Variants in CCDC93 observed in about 807,000 individuals in gnomAD.
The protein encoded by CCDC93 is coiled-coil domain-containing protein 93.
Under a neutral mutation model 108.2 loss-of-function variants are expected in CCDC93, and 61 were observed. The ratio of observed to expected loss-of-function variants is 0.56; its 90% CI spans 0.46 to 0.70. The LOEUF (loss-of-function observed/expected upper bound fraction) is 0.70, where lower values mean the gene tolerates loss of function less well. CCDC93 is among the 30% of genes least tolerant of loss of function. The pLI is 0.00. For missense variants in CCDC93, 685 were observed against 764.2 expected (o/e 0.90, Z 1.22); for synonymous variants, 276 against 260.4 (o/e 1.06, Z -0.58).
intron 6 of CCDC93, among the ~76,000 whole-genome samples, chr2:117,993,637 G>A (rs1056091028): frequency 6.6e-6 from 1 of 152,216 alleles, no homozygotes; most frequent in Non-Finnish European, 1.5e-5. Flanking sequence ...CAGAGATGAA[G>A]TAACATTTAA....
At chr2:117,994,651 C>T (rs532618538) in intron 6 of CCDC93, among the ~76,000 whole-genome samples, 2 of 152,320 alleles carry the variant, frequency 1.3e-5, no homozygotes, top group East Asian at 3.9e-4. Flanking sequence ...TTTACAATGA[C>T]ACAAGGTATG....
chr2:117,947,639 C>A (rs1678913709), intron 15 of CCDC93, among the ~76,000 whole-genome samples: 1 of 151,660 alleles, frequency 6.6e-6, no homozygotes, highest in African/African-American at 2.4e-5. Flanking sequence ...AAGTTACTAA[C>A]CATGGTGCTC....
chr2:118,003,580 A>G (rs558118988), intron 3 of CCDC93, among the ~76,000 whole-genome samples: 12 of 152,278 alleles, frequency 7.9e-5, no homozygotes, highest in Admixed American at 6.5e-5. Context: ...AGAACCATAC[A>G]TAATAGCTTA....
At chr2:117,975,332 G>A in intron 8 of CCDC93, 52 bp from the exon 9 acceptor site, 2 of 1,303,366 alleles carry the variant, frequency 1.5e-6, no homozygotes, top group Non-Finnish European at 2.2e-6. Flanking sequence ...AGACTCAGTA[G>A]AGAAAGGACA....
chr2:117,969,341 T>C (rs947101579), intron 11 of CCDC93, among the ~76,000 whole-genome samples: 3 of 152,140 alleles, frequency 2.0e-5, no homozygotes, highest in Admixed American at 6.6e-5. Flanking sequence ...CCAACAACCA[T>C]GTAAGCTTGG....
chr2:117,923,192 G>C (rs898235234), intron 23 of CCDC93, among the ~76,000 whole-genome samples: 7 of 152,184 alleles, frequency 4.6e-5, no homozygotes, highest in African/African-American at 1.7e-4. Context: ...GTGTAAGCGA[G>C]GCAGAAGACG....
intron 6 of CCDC93, among the ~76,000 whole-genome samples, chr2:117,986,781 A>T (rs1356007199): frequency 6.6e-6 from 1 of 152,220 alleles, no homozygotes; most frequent in Non-Finnish European, 1.5e-5. Context: ...ATGATGCTAA[A>T]GGTTGTTCTT....
At chr2:118,005,752 C>CAAAA (rs11439902) in intron 3 of CCDC93, among the ~76,000 whole-genome samples, 1 of 134,476 alleles carries the variant, frequency 7.4e-6, no homozygotes. Flanking sequence ...GACTCTGTCT[C>CAAAA]AAAAAAAAAA....
At chr2:117,926,888 G>A (rs548990628) in intron 23 of CCDC93, among the ~76,000 whole-genome samples, 37 of 152,120 alleles carry the variant, frequency 2.4e-4, no homozygotes, top group Middle Eastern at 3.4e-3. Context: ...CTGGCAAACC[G>A]AATCCAGCAG....
intron 11 of CCDC93, among the ~76,000 whole-genome samples, chr2:117,959,079 G>C (rs1679308873): frequency 6.6e-6 from 1 of 152,176 alleles, no homozygotes; most frequent in African/African-American, 2.4e-5. Context: ...GGGAGGAGGG[G>C]GTGGAGAAGG....
intron 3 of CCDC93, among the ~76,000 whole-genome samples, chr2:118,005,934 AAC>A (rs1480541509): frequency 6.6e-6 from 1 of 152,208 alleles, no homozygotes; most frequent in Non-Finnish European, 1.5e-5. Context: ...GGCTGCCAGA[AAC>A]ACAGGGGCAA....
chr2:118,009,164 A>G (rs1348142232), intron 1 of CCDC93, among the ~76,000 whole-genome samples: 2 of 152,118 alleles, frequency 1.3e-5, no homozygotes, highest in Non-Finnish European at 2.9e-5. Flanking sequence ...TGAGGTCAGG[A>G]GTTCAAGACC....
At chr2:117,989,205 T>A (rs751805175) in intron 6 of CCDC93, among the ~76,000 whole-genome samples, 2 of 152,246 alleles carry the variant, frequency 1.3e-5, no homozygotes, top group African/African-American at 2.4e-5. Context: ...GGATAAACCC[T>A]ATGGCTAGGT....
At chr2:117,927,696 A>G (rs1286717578) in intron 23 of CCDC93, among the ~76,000 whole-genome samples, 2 of 152,224 alleles carry the variant, frequency 1.3e-5, no homozygotes, top group African/African-American at 2.4e-5. Context: ...AAGGTAATTT[A>G]TAGATTCAAT....
intron 5 of CCDC93, chr2:117,995,724 G>A: frequency 8.3e-6 from 4 of 480,822 alleles, no homozygotes; most frequent in Non-Finnish European, 3.7e-6. Flanking sequence ...AGAAAAAGGG[G>A]GTCATAAGGA....
chr2:117,985,549 T>A, intron 7 of CCDC93: 1 of 259,596 alleles, frequency 3.9e-6, no homozygotes, highest in Non-Finnish European at 6.0e-6. Flanking sequence ...ACTAGAGATG[T>A]TTTTAAGAAG....
Position 118,013,943 on chromosome 2 carries a change from G to A in CCDC93, c.42+11C>T, listed in dbSNP as rs1346678742. Reference sequence around the variant, plus strand: ...ACCCCGACGTGTCAGGGAAGGAGGAGGCGTTCTTACCTCCGGGAGACCCTG... The same window carrying A: ...ACCCCGACGTGTCAGGGAAGGAGGAAGCGTTCTTACCTCCGGGAGACCCTG... On this transcript the variant is annotated intron_variant, in intron 1 of 23. Coordinates refer to ENST00000376300, the MANE Select transcript of CCDC93 (RefSeq NM_019044.5). 6.3e-7 allele frequency: 1 copy of A among 1,584,110 alleles called. No individual in the cohort carries two copies. Among genetic ancestry groups the A allele is most frequent in the Non-Finnish European group, 8.6e-7 (1 of 1,166,612 alleles).
rs1679086344 is a variant in CCDC93 at position 117,952,431 on chromosome 2, C to T, written c.1010G>A (p.Arg337Gln). 1.2e-6 allele frequency: 2 copies of T among 1,611,362 alleles called. No individual in the cohort carries two copies. Among genetic ancestry groups the T allele is most frequent in the African/African-American group, 1.3e-5 (1 of 74,930 alleles). ...GGCTTGTAGGCTGGTGTGACTTGCT[C>T]GCAGCTGTAAATGAAAGATAAAAGA... The part of the protein sequence containing the change: ...AQKTKHLEEL[R>Q]ASHTSLQARY... Residue 337 changes from arginine (R) to glutamine (Q), a missense_variant, in exon 13 of 24, where the codon CGA becomes CAA. Physicochemically the swap from Arg to Gln is conservative, Grantham distance 43. Coordinates refer to ENST00000376300, the MANE Select transcript of CCDC93 (RefSeq NM_019044.5).
chr2:117,977,956 T>C, intron 8 of CCDC93, 38 bp downstream of exon 8: 1 of 1,591,764 alleles, frequency 6.3e-7, no homozygotes, highest in Non-Finnish European at 8.6e-7. Flanking sequence ...CACTTCCATC[T>C]CTCAAGTATT....
Sources: gnomAD v4.1 joint callset for allele counts (sites outside exome capture counted in the v4.1 genomes callset) on GRCh38, gnomAD v4.1.1 for gene constraint, MANE v1.5 for transcripts, NCBI Gene and HGNC (gene_info 2026-07-23, HGNC 2026-07-21) for gene names.